The following CCSER1 variants were observed in gnomAD, a reference collection of about 807,000 sequenced individuals.
CCSER1 encodes coiled-coil serine rich protein 1, also known as serine-rich coiled-coil domain-containing protein 1.
Under a neutral mutation model 82.0 loss-of-function variants are expected in CCSER1, and 41 were observed. The ratio of observed to expected loss-of-function variants is 0.50; its 90% CI spans 0.39 to 0.65. CCSER1 has a LOEUF of 0.65. Ranked by LOEUF, CCSER1 falls within the 30% of genes least tolerant of loss-of-function variation. The pLI is 0.00. For missense variants in CCSER1, 1,119 were observed against 1,064.2 expected, an observed-to-expected ratio of 1.05 and a Z score of -0.72; for synonymous variants, 414 against 383.9, an observed-to-expected ratio of 1.08 and a Z score of -0.92.
chr4:90,149,202 T>C (rs1305436571), intron 1 of CCSER1, among the ~76,000 whole-genome samples: 1 of 151,968 alleles, frequency 6.6e-6, no homozygotes. Flanking sequence ...AAGATGAGGA[T>C]ATGGAAGGAT....
intron 1 of CCSER1, among the ~76,000 whole-genome samples, chr4:90,169,646 T>A (rs922164215): frequency 6.6e-6 from 1 of 152,052 alleles, no homozygotes; most frequent in Non-Finnish European, 1.5e-5. Context: ...ACCATCATGT[T>A]ACTGAAATGC....
At chr4:90,235,062 G>T (rs759140710) in intron 1 of CCSER1, 5 of 152,026 alleles carry the variant, frequency 3.3e-5, no homozygotes, top group Non-Finnish European at 4.4e-5. Context: ...GTGTATGCTC[G>T]AGGTGCAGGG....
At chr4:90,520,696 A>T (rs951686662) in intron 5 of CCSER1, among the ~76,000 whole-genome samples, 1 of 152,236 alleles carries the variant, frequency 6.6e-6, no homozygotes, top group African/African-American at 2.4e-5. Context: ...TATGAAAGGT[A>T]CTTGTATACT....
chr4:90,188,261 A>G (rs933750739), intron 1 of CCSER1, among the ~76,000 whole-genome samples: 5 of 151,922 alleles, frequency 3.3e-5, no homozygotes, highest in Non-Finnish European at 5.9e-5. Flanking sequence ...TTTAAGTTCA[A>G]CATTGAGATA....
At chr4:90,526,174 A>G (rs1773730401) in intron 5 of CCSER1, among the ~76,000 whole-genome samples, 1 of 152,182 alleles carries the variant, frequency 6.6e-6, no homozygotes, top group South Asian at 2.1e-4. Flanking sequence ...TGCTGCTTTG[A>G]ACCTTCTCAG....
chr4:90,891,207 G>T (rs1722917710), intron 8 of CCSER1, among the ~76,000 whole-genome samples: 1 of 151,606 alleles, frequency 6.6e-6, no homozygotes, highest in South Asian at 2.1e-4. Flanking sequence ...GAATTGGTCA[G>T]TCTTATGAAT....
At chr4:91,436,996 T>A (rs1350352636) in intron 10 of CCSER1, among the ~76,000 whole-genome samples, 3 of 152,156 alleles carry the variant, frequency 2.0e-5, no homozygotes, top group Non-Finnish European at 4.4e-5. Context: ...AAGGTGTGAG[T>A]GAAGGCCTGC....
At chr4:91,355,608 G>A (rs976786560) in intron 10 of CCSER1, among the ~76,000 whole-genome samples, 3 of 152,144 alleles carry the variant, frequency 2.0e-5, no homozygotes, top group African/African-American at 7.2e-5. Flanking sequence ...GTCTGACGAA[G>A]GTTAGTTGAC....
At chr4:90,599,773 C>T (rs1290472172) in intron 5 of CCSER1, among the ~76,000 whole-genome samples, 2 of 152,096 alleles carry the variant, frequency 1.3e-5, no homozygotes, top group Non-Finnish European at 2.9e-5. Flanking sequence ...TAGTTTGGTT[C>T]CTGATTGTTG....
At chr4:91,183,997 G>A (rs971952878) in intron 10 of CCSER1, among the ~76,000 whole-genome samples, 3 of 152,142 alleles carry the variant, frequency 2.0e-5, no homozygotes, top group Non-Finnish European at 2.9e-5. Flanking sequence ...ACTTTCTGTG[G>A]CACAATGGTA....
At chr4:91,170,055 G>T (rs2149000318) in intron 10 of CCSER1, among the ~76,000 whole-genome samples, 1 of 152,198 alleles carries the variant, frequency 6.6e-6, no homozygotes, top group Non-Finnish European at 1.5e-5. Flanking sequence ...ATATCCATCT[G>T]CTTCTGTAGG....
intron 10 of CCSER1, among the ~76,000 whole-genome samples, chr4:91,276,849 A>C (rs974062007): frequency 6.6e-6 from 1 of 151,660 alleles, no homozygotes; most frequent in Non-Finnish European, 1.5e-5. Context: ...AGTTTTTTTG[A>C]GTTTTTATCA....
intron 1 of CCSER1, among the ~76,000 whole-genome samples, chr4:90,296,389 T>C (rs1456330754): frequency 1.3e-5 from 2 of 152,176 alleles, no homozygotes; most frequent in Non-Finnish European, 2.9e-5. Context: ...ATTCTGGATA[T>C]TAGCCCTTTG....
chr4:90,921,783 G>A (rs1158110170), intron 8 of CCSER1, among the ~76,000 whole-genome samples: 2 of 151,916 alleles, frequency 1.3e-5, no homozygotes, highest in Non-Finnish European at 2.9e-5. Flanking sequence ...TATAATTACC[G>A]ATTTGCAACA....
At chr4:91,297,250 A>C (rs747611564) in intron 10 of CCSER1, among the ~76,000 whole-genome samples, 97 of 151,888 alleles carry the variant, frequency 6.4e-4, no homozygotes, top group Non-Finnish European at 7.5e-4. Flanking sequence ...AAAAAGACAG[A>C]TACATTTTAA....
At chr4:91,213,795 C>A (rs1255176035) in intron 10 of CCSER1, among the ~76,000 whole-genome samples, 1 of 152,150 alleles carries the variant, frequency 6.6e-6, no homozygotes, top group Non-Finnish European at 1.5e-5. Context: ...TTGAGCTTCA[C>A]CCCTATTCCC....
At chr4:90,811,239 A>G (rs17187375) in intron 7 of CCSER1, among the ~76,000 whole-genome samples, 20,175 of 152,146 alleles carry the variant, frequency 0.13, 1,617 homozygotes, top group Non-Finnish European at 0.18. Context: ...GCATGTGTAA[A>G]GTGAGGAGAT....
At chr4:90,344,802 A>C (rs185914347) in intron 3 of CCSER1, among the ~76,000 whole-genome samples, 1 of 152,136 alleles carries the variant, frequency 6.6e-6, no homozygotes, top group Non-Finnish European at 1.5e-5. Flanking sequence ...TGTATGTGTG[A>C]ATTGTCTAAT....
intron 1 of CCSER1, among the ~76,000 whole-genome samples, chr4:90,221,079 A>G (rs1233137054): frequency 6.6e-6 from 1 of 152,188 alleles, no homozygotes; most frequent in Admixed American, 6.5e-5. Flanking sequence ...ATAAGCAAGG[A>G]ATCATTATTT....
Sources: gnomAD v4.1 joint callset for allele counts (sites outside exome capture counted in the v4.1 genomes callset) on GRCh38, gnomAD v4.1.1 for gene constraint, MANE v1.5 for transcripts, NCBI Gene and HGNC (gene_info 2026-07-23, HGNC 2026-07-21) for gene names.